The following PDGFD variants were observed in gnomAD, a reference collection of about 807,000 sequenced individuals.
PDGFD encodes platelet-derived growth factor D.
Under a neutral mutation model 44.7 loss-of-function variants are expected in PDGFD, and 30 were observed. The ratio of observed to expected loss-of-function variants is 0.67; its 90% CI spans 0.50 to 0.91. The LOEUF (loss-of-function observed/expected upper bound fraction) is 0.91. Among genes scored for constraint, PDGFD ranks in the 40% least tolerant of loss-of-function variants. The pLI is 0.00. For synonymous variants in PDGFD, 173 were observed against 168.4 expected (o/e 1.03, Z -0.21); for missense variants, 445 against 457.8 (o/e 0.97, Z 0.25).
intron 5 of PDGFD, among the ~76,000 whole-genome samples, chr11:103,930,093 A>C (rs1474319126): frequency 6.6e-6 from 1 of 152,032 alleles, no homozygotes; most frequent in Non-Finnish European, 1.5e-5. Context: ...TGTCATTCTG[A>C]ATTTTAGTTT....
chr11:103,977,420 G>T (rs1859200865), intron 3 of PDGFD, among the ~76,000 whole-genome samples: 1 of 152,110 alleles, frequency 6.6e-6, no homozygotes, highest in African/African-American at 2.4e-5. Context: ...TATCCCTGAT[G>T]AACATCGATG....
chr11:104,067,971 A>T (rs1342412186), intron 1 of PDGFD, among the ~76,000 whole-genome samples: 17 of 152,174 alleles, frequency 1.1e-4, no homozygotes, highest in Admixed American at 1.0e-3. Context: ...ATATATGTGA[A>T]ATTGCAGCGA....
chr11:104,036,466 T>C (rs1002223509), intron 1 of PDGFD: 2 of 237,566 alleles, frequency 8.4e-6, no homozygotes, highest in African/African-American at 4.4e-5. Flanking sequence ...GTTGAAATCA[T>C]TTCTTTCATA....
chr11:103,936,983 G>A lies in PDGFD; in HGVS notation c.772+6469C>T, dbSNP rs560126085. On this transcript the variant is annotated intron_variant, in intron 5 of 6. Coordinates refer to ENST00000393158, the MANE Select transcript of PDGFD (RefSeq NM_025208.5). ...CTGGAACTACAGGTATATGCTTCAC[G>A]CGTGGCTAACTTTTGTATTTTTTGT... Among the ~76,000 whole-genome samples the A allele has an allele frequency of 1.1e-4, 17 of 151,732 alleles. 1 individual carries two copies. Among genetic ancestry groups the A allele is most frequent in the South Asian group, 2.1e-4 (1 of 4,786 alleles).
chr11:103,961,995 T>C (rs891433467), intron 3 of PDGFD, among the ~76,000 whole-genome samples: 5 of 152,252 alleles, frequency 3.3e-5, no homozygotes, highest in African/African-American at 1.2e-4. Context: ...CAAAGAACAT[T>C]TTTTTATAAT....
intron 1 of PDGFD, among the ~76,000 whole-genome samples, chr11:104,158,800 T>G (rs558553797): frequency 2.8e-4 from 42 of 151,518 alleles, no homozygotes; most frequent in Non-Finnish European, 4.9e-4. Context: ...CCACAGCACT[T>G]CAGCCTTCAT....
chr11:104,024,173 T>C (rs535500301), intron 1 of PDGFD, among the ~76,000 whole-genome samples: 1 of 152,256 alleles, frequency 6.6e-6, no homozygotes, highest in Non-Finnish European at 1.5e-5. Flanking sequence ...CGAAAATAAG[T>C]TTTTATCTCG....
intron 1 of PDGFD, among the ~76,000 whole-genome samples, chr11:104,139,237 T>G (rs1532673): frequency 0.39 from 58,873 of 151,960 alleles, 11,598 homozygotes; most frequent in East Asian, 0.59. Flanking sequence ...TGGTAAGGAA[T>G]TGTAGAACAA....
At chr11:103,968,860 C>T (rs1394713233) in intron 3 of PDGFD, among the ~76,000 whole-genome samples, 1 of 152,156 alleles carries the variant, frequency 6.6e-6, no homozygotes. Flanking sequence ...TATTCCTCTC[C>T]AACATCATTT....
intron 1 of PDGFD, among the ~76,000 whole-genome samples, chr11:104,100,761 T>C (rs918874221): frequency 1.3e-5 from 2 of 152,178 alleles, no homozygotes; most frequent in Admixed American, 6.5e-5. Context: ...CATGATCAAG[T>C]GGGCTTCATC....
chr11:104,017,028 C>A (rs373315652), intron 1 of PDGFD, among the ~76,000 whole-genome samples: 33 of 152,208 alleles, frequency 2.2e-4, no homozygotes, highest in African/African-American at 6.3e-4. Context: ...GGAGGTGAGG[C>A]CTTTTGGGAG....
chr11:104,163,983 C>G lies in PDGFD; in HGVS notation c.-56G>C. The G allele has an allele frequency of 2.0e-6, 3 of 1,468,972 alleles. No homozygotes were observed. The highest frequency in any genetic ancestry group is 2.7e-6 in the Non-Finnish European group (3 of 1,094,622). The allele number at this position is 1,468,972 out of a possible 1,614,324, so 91.0% of individuals were successfully genotyped here. A position where few individuals can be genotyped will look rare whatever the true frequency, so the allele number is the denominator to read the frequency against. ...CCAAGAAAAAGCCGGGTTCTGCTCC[C>G]GGGACCGACGCCGCGCCGCCCTGCG... On this transcript the variant is annotated 5_prime_UTR_variant, in exon 1 of 7. Coordinates refer to ENST00000393158, the MANE Select transcript of PDGFD (RefSeq NM_025208.5).
In PDGFD at chr11:104,121,938, A is replaced by ATTC. The variant is rs1229752572; in HGVS notation, c.124+41865_124+41866insGAA. 2.6e-5 allele frequency among the ~76,000 whole-genome samples: 4 copies of ATTC among 152,054 alleles called. No individual in the cohort carries two copies. The East Asian group carries it at 7.7e-4, about 29-fold the overall frequency. On this transcript the variant is annotated intron_variant, in intron 1 of 6. Coordinates refer to ENST00000393158, the MANE Select transcript of PDGFD (RefSeq NM_025208.5). ...AATTTCATAGTTGAAACTGATACCC[A>ATTC]TGAAATTAGACACATCTGATGATAA...
At chr11:103,993,916 TATC>T (rs1447783336) in intron 3 of PDGFD, among the ~76,000 whole-genome samples, 1 of 151,992 alleles carries the variant, frequency 6.6e-6, no homozygotes, top group Non-Finnish European at 1.5e-5. Flanking sequence ...AATGTTGTAA[TATC>T]ATCATTTCAA....
At chr11:104,051,900 A>G (rs1860544224) in intron 1 of PDGFD, among the ~76,000 whole-genome samples, 1 of 152,224 alleles carries the variant, frequency 6.6e-6, no homozygotes, top group African/African-American at 2.4e-5. Flanking sequence ...TTAAAAGTGA[A>G]TGATTCAGCG....
intron 1 of PDGFD, among the ~76,000 whole-genome samples, chr11:104,156,095 GTTAA>G (rs777295259): frequency 2.0e-5 from 3 of 152,166 alleles, no homozygotes; most frequent in Non-Finnish European, 4.4e-5. Flanking sequence ...GGTAATGCAT[GTTAA>G]TTAGTTTGAT....
intron 1 of PDGFD, among the ~76,000 whole-genome samples, chr11:104,028,225 C>T (rs1228361354): frequency 6.6e-6 from 1 of 150,738 alleles, no homozygotes; most frequent in African/African-American, 2.4e-5. Flanking sequence ...AGCATGGATT[C>T]CTTTTTCTTA....
chr11:103,910,442 G>A (rs915548487), intron 6 of PDGFD, among the ~76,000 whole-genome samples: 4 of 152,178 alleles, frequency 2.6e-5, no homozygotes, highest in South Asian at 4.1e-4. Flanking sequence ...TGCAGCCCAC[G>A]GAAGGTGAGC....
At chr11:104,150,643 A>G (rs893014898) in intron 1 of PDGFD, among the ~76,000 whole-genome samples, 1 of 152,172 alleles carries the variant, frequency 6.6e-6, no homozygotes, top group Non-Finnish European at 1.5e-5. Context: ...GGCTCCAGGG[A>G]AAAGCCCATA....
Sources: allele counts gnomAD v4.1 joint callset (sites outside exome capture counted in the v4.1 genomes callset), GRCh38; gene constraint gnomAD v4.1.1; transcripts MANE v1.5; gene names NCBI Gene and HGNC (gene_info 2026-07-23, HGNC 2026-07-21).